Variants in SDR9C7 observed in about 807,000 individuals in gnomAD.
SDR9C7 encodes the protein short chain dehydrogenase/reductase family 9C member 7.
A neutral mutation model predicts 23.6 loss-of-function variants in SDR9C7; 11 were observed. That is an observed-to-expected ratio of 0.47 (90% CI 0.29 to 0.77). SDR9C7 has a LOEUF of 0.77. SDR9C7 is among the 30% of genes least tolerant of loss of function. The pLI, the probability that SDR9C7 is intolerant of heterozygous loss-of-function variation, is 0.09. For synonymous variants in SDR9C7, 167 were observed against 157.3 expected (o/e 1.06, Z -0.46); for missense variants, 387 against 407.1 (o/e 0.95, Z 0.42).
rs527416994 is a variant in SDR9C7 at position 56,930,078 on chromosome 12, G to A, written c.560+148C>T. On this transcript the variant is annotated intron_variant, in intron 2 of 3. Coordinates refer to ENST00000293502, the MANE Select transcript of SDR9C7 (RefSeq NM_148897.3). ...CTCCTCATCCCTGCTCTTGGTCCTTGGAGAAAGCACCTTGAGGTCTAACCT... is the reference window on the plus strand; with the variant it reads ...CTCCTCATCCCTGCTCTTGGTCCTTAGAGAAAGCACCTTGAGGTCTAACCT... The A allele has an allele frequency of 8.2e-6, 8 of 980,596 alleles. No individual in the cohort carries two copies. The African/African-American group carries it at 1.3e-4, about 16-fold the overall frequency. 60.7% of individuals were successfully genotyped at this position (980,596 alleles called of 1,614,324 possible).
In SDR9C7 at chr12:56,924,043, G is replaced by T. The variant is rs1230351716; in HGVS notation, c.732C>A (p.Asp244Glu). ...CCACCTGCATTATGTTTTTTAACTT[G>T]TCAGTATCTGTTTGAGGGCAGAGAG... The part of the protein sequence containing the change: ...YGEDYFRIYT[D>E]KLKNIMQVAE... The change falls in exon 4 of 4, where the codon GAC (aspartate) becomes GAA (glutamate). Residue 244 changes from aspartate to glutamate, a missense_variant. Coordinates refer to ENST00000293502, the MANE Select transcript of SDR9C7 (RefSeq NM_148897.3). 2.5e-6 allele frequency: 4 copies of T among 1,609,348 alleles called. No homozygotes were observed. Among genetic ancestry groups the T allele is most frequent in the Non-Finnish European group, 2.5e-6 (3 of 1,176,628 alleles).
Position 56,923,806 on chromosome 12 carries a change from T to C in SDR9C7, c.*27A>G. On this transcript the variant is annotated 3_prime_UTR_variant, in exon 4 of 4. Coordinates refer to ENST00000293502, the MANE Select transcript of SDR9C7 (RefSeq NM_148897.3). ...CTTCCTTCCTCCCCCACTTCTAGGC[T>C]CCACTGACCCATTGATCCTCCCCAG... 1.3e-6 allele frequency: 2 copies of C among 1,511,142 alleles called. No homozygotes were observed. Among genetic ancestry groups the C allele is most frequent in the Non-Finnish European group, 1.8e-6 (2 of 1,111,788 alleles). The allele number at this position is 1,511,142 out of a possible 1,614,324, so 93.6% of individuals were successfully genotyped here.
At chr12:56,931,787 T>C (rs1387478246) in intron 1 of SDR9C7, among the ~76,000 whole-genome samples, 1 of 152,058 alleles carries the variant, frequency 6.6e-6, no homozygotes, top group Non-Finnish European at 1.5e-5. Flanking sequence ...TACTGCCTGG[T>C]GATTCGCACC....
At position 56,929,568 on chromosome 12, in the gene SDR9C7, T is replaced by C. The variant is rs758990830; in HGVS notation, c.561-15A>G. On this transcript the variant is annotated splice_polypyrimidine_tract_variant and intron_variant, in intron 2 of 3. Transcript: ENST00000293502. ...AGAGCTCACGCCTGGGAAAGAAGAG[T>C]TGCAGTCAGTCTGGGCCCCAAGATG... 6.3e-7 allele frequency: 1 copy of C among 1,592,034 alleles called. No homozygotes were observed. The highest frequency in any genetic ancestry group is 1.3e-5 in the African/African-American group (1 of 74,426).
chr12:56,927,137 A>G (rs1287220002), intron 3 of SDR9C7, among the ~76,000 whole-genome samples: 2 of 152,256 alleles, frequency 1.3e-5, no homozygotes, highest in Non-Finnish European at 2.9e-5. Flanking sequence ...GGTGTGGACT[A>G]CAGGTGAATT....
At chr12:56,926,197 T>C (rs1955732802) in intron 3 of SDR9C7, among the ~76,000 whole-genome samples, 1 of 152,202 alleles carries the variant, frequency 6.6e-6, no homozygotes, top group Admixed American at 6.5e-5. Context: ...GGGGCCTGTT[T>C]GGTCAGTCAC....
At position 56,923,908 on chromosome 12, in the gene SDR9C7, A is replaced by G; in HGVS notation, c.867T>C (p.Pro289=). ...TCACAGGGGTGGGCAACTTAGCCAG[A>G]GGGATGTAGAGGAGTTTGGCATCCA... ...PGLDAKLLYI[P]LAKLPTPVTD... Residue 289 remains proline (P), a synonymous_variant, in exon 4 of 4, where the codon CCT becomes CCC. Coordinates refer to ENST00000293502, the MANE Select transcript of SDR9C7 (RefSeq NM_148897.3). 1 of 1,614,136 alleles carries G rather than the reference A, an allele frequency of 6.2e-7. No homozygotes were observed. Among genetic ancestry groups the G allele is most frequent in the Non-Finnish European group, 8.5e-7 (1 of 1,179,998 alleles).
At chr12:56,926,750 CTA>C (rs1258760244) in intron 3 of SDR9C7, among the ~76,000 whole-genome samples, 4 of 152,286 alleles carry the variant, frequency 2.6e-5, no homozygotes, top group African/African-American at 9.6e-5. Context: ...GCATACAATG[CTA>C]TGTCAGGTCA....
intron 3 of SDR9C7, among the ~76,000 whole-genome samples, chr12:56,926,234 G>A (rs1056481840): frequency 4.6e-5 from 7 of 152,182 alleles, no homozygotes; most frequent in South Asian, 2.1e-4. Context: ...TGTACCCAGC[G>A]ATGCTCTAGG....
chr12:56,934,126 C>A lies in SDR9C7; in HGVS notation c.136G>T (p.Val46Phe). ...GFGNLLAKQLVDRGMQVLAAC... is the reference protein window; with the variant it reads ...GFGNLLAKQLFDRGMQVLAAC... Reference sequence around the variant, plus strand: ...GCCAGCACCTGCATGCCCCGATCAACCAGCTGTTTGGCCAGCAGGTTCCCG... The same window carrying A: ...GCCAGCACCTGCATGCCCCGATCAAACAGCTGTTTGGCCAGCAGGTTCCCG... The change falls in exon 1 of 4, where the codon GTT becomes TTT. Residue 46 changes from valine (V) to phenylalanine (F), a missense_variant. By Grantham distance (50) the Val-to-Phe change is conservative (BLOSUM62 -1). Coordinates refer to ENST00000293502, the MANE Select transcript of SDR9C7 (RefSeq NM_148897.3). 1 of 1,614,224 alleles carries A rather than the reference C, an allele frequency of 6.2e-7. No homozygotes were observed. Among genetic ancestry groups the A allele is most frequent in the Non-Finnish European group, 8.5e-7 (1 of 1,180,050 alleles).
intron 3 of SDR9C7, among the ~76,000 whole-genome samples, chr12:56,925,100 C>T (rs1955725061): frequency 6.6e-6 from 1 of 151,962 alleles, no homozygotes; most frequent in Non-Finnish European, 1.5e-5. Flanking sequence ...AATAGTAATA[C>T]TGCCCCTACC....
In SDR9C7 at chr12:56,925,859, G is replaced by T. The variant is rs1202155739; in HGVS notation, c.725-1809C>A. 2.6e-5 allele frequency among the ~76,000 whole-genome samples: 4 copies of T among 152,332 alleles called. No individual in the cohort carries two copies. In the East Asian group the frequency reaches 5.8e-4, roughly 22 times the overall value. On this transcript the variant is annotated intron_variant, in intron 3 of 3. Coordinates refer to ENST00000293502, the MANE Select transcript of SDR9C7 (RefSeq NM_148897.3). Reference sequence around the variant, plus strand: ...GTGGAGCAAGCTGACATGGTGAGATGGGCTGGGGACTGGGTTCTGAGAGGT... The same window carrying T: ...GTGGAGCAAGCTGACATGGTGAGATTGGCTGGGGACTGGGTTCTGAGAGGT...
At chr12:56,928,494 G>C (rs1355164535) in intron 3 of SDR9C7, among the ~76,000 whole-genome samples, 2 of 152,214 alleles carry the variant, frequency 1.3e-5, no homozygotes, top group African/African-American at 4.8e-5. Flanking sequence ...ATTTATGTTT[G>C]TCTCCCCTAC....
chr12:56,923,941 G>T lies in SDR9C7; in HGVS notation c.834C>A (p.Asn278Lys), dbSNP rs201598330. 1.1e-4 allele frequency: 185 copies of T among 1,613,966 alleles called. No homozygotes were observed. The highest frequency in any genetic ancestry group is 4.9e-4 in the Middle Eastern group (3 of 6,084). The change falls in exon 4 of 4, where the codon AAC (asparagine) becomes AAA (lysine). Residue 278 changes from asparagine to lysine, a missense_variant. Transcript: ENST00000293502. Reference protein sequence around the residue: ...IVSRSPRIRYNPGLDAKLLYI... With the variant: ...IVSRSPRIRYKPGLDAKLLYI... ...AGAGGAGTTTGGCATCCAGGCCAGG[G>T]TTGTAGCGGATGCGAGGGCTCCGGG...
chr12:56,931,877 T>G (rs1418028526), intron 1 of SDR9C7, among the ~76,000 whole-genome samples: 1 of 151,986 alleles, frequency 6.6e-6, no homozygotes, highest in African/African-American at 2.4e-5. Flanking sequence ...AACACAAACA[T>G]AAATCCTAGT....
chr12:56,930,295 C>G lies in SDR9C7; in HGVS notation c.491G>C (p.Arg164Pro). The stretch of plus-strand genomic sequence containing the variant: ...GTAGCCACCACCAATGACAGCCACA[C>G]GACCACCAGAGCTGGACATGTTGAC... ...RVVNMSSSGG[R>P]VAVIGGGYCV... Residue 164 changes from arginine to proline, a missense_variant, in exon 2 of 4, where the codon CGT becomes CCT. Arg to Pro is a moderately radical substitution (Grantham distance 103). Coordinates refer to ENST00000293502, the MANE Select transcript of SDR9C7 (RefSeq NM_148897.3). 6.2e-7 allele frequency: 1 copy of G among 1,614,176 alleles called. No homozygotes were observed. Among genetic ancestry groups the G allele is most frequent in the Non-Finnish European group, 8.5e-7 (1 of 1,180,022 alleles).
chr12:56,930,140 T>C, intron 2 of SDR9C7, 86 bp downstream of exon 2: 4 of 1,487,618 alleles, frequency 2.7e-6, no homozygotes, highest in Non-Finnish European at 3.7e-6. Flanking sequence ...GTCTGCGGAA[T>C]TCCCCTGCCC....
chr12:56,934,314 G>A lies in SDR9C7; in HGVS notation c.-53C>T. 3 of 1,502,852 alleles carry A rather than the reference G, an allele frequency of 2.0e-6. No homozygotes were observed. The highest frequency in any genetic ancestry group is 2.7e-6 in the Non-Finnish European group (3 of 1,100,294). 93.1% of individuals were successfully genotyped at this position (1,502,852 alleles called of 1,614,324 possible). ...GGGACTGGGCTCAGGAGACAGCAGG[G>A]AAGAAGCTGGTCCTCTGAGCCCTAG... On this transcript the variant is annotated 5_prime_UTR_variant, in exon 1 of 4. Transcript: ENST00000293502.
rs930259044 is a variant in SDR9C7 at position 56,933,839 on chromosome 12, TC to T, written c.301+121del. The T allele has an allele frequency of 4.2e-6, 5 of 1,192,042 alleles. No individual in the cohort carries two copies. In the African/African-American group the frequency reaches 7.6e-5, roughly 18 times the overall value. The allele number at this position is 1,192,042 out of a possible 1,614,324, so 73.8% of individuals were successfully genotyped here. On this transcript the variant is annotated intron_variant, in intron 1 of 3. Coordinates refer to ENST00000293502, the MANE Select transcript of SDR9C7 (RefSeq NM_148897.3). ...CCAATCAGATTGAGGCAGGGGCCTT[TC>T]CCTACATCACCCCTCCCACCCAATC...
Sources: gnomAD v4.1 joint callset for allele counts (sites outside exome capture counted in the v4.1 genomes callset) on GRCh38, gnomAD v4.1.1 for gene constraint, MANE v1.5 for transcripts, NCBI Gene and HGNC (gene_info 2026-07-23, HGNC 2026-07-21) for gene names.